The following DDX50 variants were observed in gnomAD, a reference collection of about 807,000 sequenced individuals.
DDX50 encodes the protein ATP-dependent RNA helicase DDX50.
DDX50 carries 56 observed loss-of-function variants against 94.8 expected under a neutral mutation model. The ratio of observed to expected loss-of-function variants is 0.59; its 90% CI spans 0.48 to 0.74. The LOEUF is 0.74. Among genes scored for constraint, DDX50 ranks in the 30% least tolerant of loss-of-function variants. DDX50 has a pLI of 0.00. For missense variants in DDX50, 713 were observed against 881.2 expected (o/e 0.81, Z 2.42); for synonymous variants, 264 against 295.4 (o/e 0.89, Z 1.09).
intron 1 of DDX50, among the ~76,000 whole-genome samples, chr10:68,905,542 T>C (rs962461987): frequency 2.0e-5 from 3 of 152,240 alleles, no homozygotes; most frequent in South Asian, 4.1e-4. Context: ...CTAGTACTTA[T>C]AGCTGCAGGA....
At chr10:68,933,638 TAAAA>T (rs550757375) in intron 8 of DDX50, among the ~76,000 whole-genome samples, 1 of 145,548 alleles carries the variant, frequency 6.9e-6, no homozygotes, top group Non-Finnish European at 1.5e-5. Context: ...ATGTGTGTAT[TAAAA>T]AAAAAAAGTG....
chr10:68,922,182 A>G (rs752469298), intron 8 of DDX50, among the ~76,000 whole-genome samples: 1 of 151,862 alleles, frequency 6.6e-6, no homozygotes, highest in African/African-American at 2.4e-5. Context: ...TCAGTTTTCA[A>G]AATTTCTCTC....
chr10:68,916,044 G>T (rs561549831), intron 7 of DDX50, among the ~76,000 whole-genome samples: 1 of 152,164 alleles, frequency 6.6e-6, no homozygotes, highest in South Asian at 2.1e-4. Context: ...CTGGGAAGGG[G>T]CATGCTGGAT....
At chr10:68,926,345 T>C (rs1842090561) in intron 8 of DDX50, among the ~76,000 whole-genome samples, 1 of 151,052 alleles carries the variant, frequency 6.6e-6, no homozygotes. Context: ...TTGAAGAAAT[T>C]GTCTTGCTAC....
intron 7 of DDX50, among the ~76,000 whole-genome samples, chr10:68,919,194 G>A (rs547460929): frequency 1.3e-5 from 2 of 152,250 alleles, no homozygotes; most frequent in South Asian, 2.1e-4. Context: ...ATGAAGCAAC[G>A]CATGACTGTA....
chr10:68,927,501 G>T (rs1473129911), intron 8 of DDX50, among the ~76,000 whole-genome samples: 3 of 152,144 alleles, frequency 2.0e-5, no homozygotes, highest in African/African-American at 7.2e-5. Flanking sequence ...GCACAGACTT[G>T]GGAGTCAGAT....
Position 68,901,342 on chromosome 10 carries a change from G to T in DDX50, c.-43G>T. ...TTTCACGCTGTCGCTGCCCGTAGGT[G>T]GTTGTGGCCACTGTGCCCGGAGGGA... On this transcript the variant is annotated 5_prime_UTR_variant, in exon 1 of 15. Transcript: ENST00000373585. 3 of 1,499,016 alleles carry T rather than the reference G, an allele frequency of 2.0e-6. No individual in the cohort carries two copies. In the South Asian group the frequency reaches 3.8e-5, roughly 19 times the overall value. The allele number at this position is 1,499,016 out of a possible 1,614,324, so 92.9% of individuals were successfully genotyped here.
chr10:68,911,336 A>G, intron 4 of DDX50, 90 bp downstream of exon 4: 1 of 1,350,108 alleles, frequency 7.4e-7, no homozygotes, highest in East Asian at 2.4e-5. Context: ...GTACCCCCAA[A>G]ATAGAAAAGT....
chr10:68,931,884 T>C (rs1047753688), intron 8 of DDX50, among the ~76,000 whole-genome samples: 4 of 152,136 alleles, frequency 2.6e-5, no homozygotes, highest in African/African-American at 9.7e-5. Context: ...TGCTCAAATA[T>C]TTGTAGGTTC....
At chr10:68,916,398 T>C (rs1172468975) in intron 7 of DDX50, among the ~76,000 whole-genome samples, 1 of 151,854 alleles carries the variant, frequency 6.6e-6, no homozygotes, top group Non-Finnish European at 1.5e-5. Flanking sequence ...TTTTTTATTT[T>C]GTAATGGTTG....
At chr10:68,901,634 A>G (rs1229392977) in intron 1 of DDX50, among the ~76,000 whole-genome samples, 163 bp downstream of exon 1, 1 of 151,602 alleles carries the variant, frequency 6.6e-6, no homozygotes, top group Non-Finnish European at 1.5e-5. Flanking sequence ...GACCGTTTCC[A>G]CCTCCACCCT....
intron 11 of DDX50, among the ~76,000 whole-genome samples, 172 bp downstream of exon 11, chr10:68,936,251 G>A (rs1350356180): frequency 6.6e-6 from 1 of 151,630 alleles, no homozygotes. Flanking sequence ...ACTTTGGGAG[G>A]CTGAGGCGGG....
intron 11 of DDX50, among the ~76,000 whole-genome samples, 190 bp downstream of exon 11, chr10:68,936,269 T>C (rs1369210711): frequency 2.0e-5 from 3 of 147,454 alleles, no homozygotes; most frequent in Non-Finnish European, 4.5e-5. Flanking sequence ...GGGCAGCTCA[T>C]GAGGTCAGGA....
intron 1 of DDX50, among the ~76,000 whole-genome samples, chr10:68,902,190 CAAAAAAAAAAAA>C (rs35302047): frequency 3.2e-5 from 3 of 94,320 alleles, no homozygotes; most frequent in African/African-American, 1.2e-4. Flanking sequence ...CCCTGCCCTC[CAAAAAAAAAAAA>C]AAAAAAAAAG....
At chr10:68,939,644 C>T (rs1307608878) in intron 12 of DDX50, among the ~76,000 whole-genome samples, 1 of 152,116 alleles carries the variant, frequency 6.6e-6, no homozygotes, top group Non-Finnish European at 1.5e-5. Flanking sequence ...GAATGTTCTT[C>T]CCCTCTAATA....
intron 12 of DDX50, among the ~76,000 whole-genome samples, chr10:68,937,402 A>G (rs1466805387): frequency 6.6e-6 from 1 of 152,104 alleles, no homozygotes; most frequent in Non-Finnish European, 1.5e-5. Flanking sequence ...TGTAATTAAA[A>G]AAAAAATGAC....
intron 13 of DDX50, among the ~76,000 whole-genome samples, chr10:68,942,109 T>C (rs947132897): frequency 6.6e-6 from 1 of 152,222 alleles, no homozygotes; most frequent in Non-Finnish European, 1.5e-5. Context: ...TTTGTAAGAC[T>C]AAGTAGCTTA....
chr10:68,914,363 T>A, intron 7 of DDX50, 159 bp downstream of exon 7: 3 of 761,516 alleles, frequency 3.9e-6, no homozygotes, highest in Non-Finnish European at 6.1e-6. Flanking sequence ...TGAGACTGAG[T>A]AGCAGAATAG....
chr10:68,921,277 ATTTTC>A (rs1841932999), intron 8 of DDX50, among the ~76,000 whole-genome samples: 1 of 151,800 alleles, frequency 6.6e-6, no homozygotes, highest in African/African-American at 2.4e-5. Context: ...ACAAATGGTT[ATTTTC>A]TTTTATTGTT....
Sources: gnomAD v4.1 joint callset for allele counts (sites outside exome capture counted in the v4.1 genomes callset) on GRCh38, gnomAD v4.1.1 for gene constraint, MANE v1.5 for transcripts, NCBI Gene and HGNC (gene_info 2026-07-23, HGNC 2026-07-21) for gene names.